Variants in PHLPP2 observed in about 807,000 individuals in gnomAD.
PHLPP2 encodes the protein PH domain leucine-rich repeat-containing protein phosphatase 2.
PHLPP2 carries 66 observed loss-of-function variants against 124.9 expected under a neutral mutation model. The ratio of observed to expected loss-of-function variants is 0.53; its 90% CI spans 0.43 to 0.65. The LOEUF is 0.65. PHLPP2 is among the 30% of genes least tolerant of loss of function. The pLI is 0.00. For missense variants in PHLPP2, 1,685 were observed against 1,600.4 expected, an observed-to-expected ratio of 1.05 and a Z score of -0.90; for synonymous variants, 681 against 624.7, an observed-to-expected ratio of 1.09 and a Z score of -1.34.
chr16:71,709,091 TAAAG>T (rs954868618), intron 2 of PHLPP2, among the ~76,000 whole-genome samples: 5 of 152,248 alleles, frequency 3.3e-5, no homozygotes, highest in African/African-American at 1.2e-4. Context: ...TGTTTCAAAA[TAAAG>T]AAAATTATTT....
chr16:71,672,262 C>T lies in PHLPP2; in HGVS notation c.1532G>A (p.Arg511Gln), dbSNP rs372879648. 7.4e-5 allele frequency: 119 copies of T among 1,610,938 alleles called. 1 individual carries two copies. Among genetic ancestry groups the T allele is most frequent in the Non-Finnish European group, 8.8e-5 (104 of 1,177,246 alleles). The change falls in exon 10 of 19, where the codon CGA (arginine) becomes CAA (glutamine). Residue 511 changes from arginine (R) to glutamine (Q), a missense_variant and splice_region_variant. Transcript: ENST00000568954. ...PSLLTFLDLSRNLLECVPDWA... is the reference protein window; with the variant it reads ...PSLLTFLDLSQNLLECVPDWA... ...CGCCACCCTCATGAAAGACACTCAC[C>T]GGGAGAGATCCAAGAAAGTGAGCAG...
At chr16:71,665,656 T>C (rs890139445) in intron 12 of PHLPP2, among the ~76,000 whole-genome samples, 2 of 152,210 alleles carry the variant, frequency 1.3e-5, no homozygotes, top group Non-Finnish European at 2.9e-5. Flanking sequence ...AACAAAGCTC[T>C]TTCCAGAGTT....
chr16:71,668,415 CAAAAAAAAAAAA>C (rs34860764), intron 11 of PHLPP2, among the ~76,000 whole-genome samples: 6 of 26,932 alleles, frequency 2.2e-4, no homozygotes, highest in East Asian at 2.3e-3. Flanking sequence ...GACTCTGTCT[CAAAAAAAAAAAA>C]AAAAAAAAAA....
At chr16:71,652,535 AC>A (rs1405620805) in intron 18 of PHLPP2, among the ~76,000 whole-genome samples, 1 of 152,234 alleles carries the variant, frequency 6.6e-6, no homozygotes, top group Admixed American at 6.5e-5. Context: ...CCATCTTACA[AC>A]CCAGCTATCA....
intron 10 of PHLPP2, among the ~76,000 whole-genome samples, chr16:71,670,371 G>A (rs1010339199): frequency 6.6e-6 from 1 of 152,044 alleles, no homozygotes; most frequent in Non-Finnish European, 1.5e-5. Context: ...GTATGCAAAA[G>A]AAACATGGCC....
chr16:71,676,809 C>T (rs1033862713), intron 8 of PHLPP2, 160 bp from the exon 9 acceptor site: 10 of 600,304 alleles, frequency 1.7e-5, no homozygotes, highest in African/African-American at 3.7e-5. Context: ...AGTGCAATGG[C>T]GTGATCTCGG....
At position 71,681,789 on chromosome 16, in the gene PHLPP2, C is replaced by T; in HGVS notation, c.852G>A (p.Met284Ile). 6.2e-7 allele frequency: 1 copy of T among 1,613,776 alleles called. No individual in the cohort carries two copies. Among genetic ancestry groups the T allele is most frequent in the Non-Finnish European group, 8.5e-7 (1 of 1,179,860 alleles). The change falls in exon 6 of 19, where the codon ATG becomes ATA. Residue 284 changes from methionine (M) to isoleucine (I), a missense_variant. Transcript: ENST00000568954. ...CGAGGCCTCCGGGTCTTTCTAACTGCATGAAGTTGTGTCGCAAGTTGAGGT... is the reference window on the plus strand; with the variant it reads ...CGAGGCCTCCGGGTCTTTCTAACTGTATGAAGTTGTGTCGCAAGTTGAGGT... ...ITYLNLRHNF[M>I]QLERPGGLDT... is the part of the protein sequence containing the mutation.
At position 71,667,282 on chromosome 16, in the gene PHLPP2, C is replaced by T. The variant is rs758352411; in HGVS notation, c.1680G>A (p.Val560=). The change falls in exon 12 of 19, where the codon GTG becomes GTA. Residue 560 remains valine, a synonymous_variant. Transcript: ENST00000568954. ...GCTCTACCAGTGTTGGAAGGTTTTGCACATGATTGTGTCCCAGCATCAGTT... is the reference window on the plus strand; with the variant it reads ...GCTCTACCAGTGTTGGAAGGTTTTGTACATGATTGTGTCCCAGCATCAGTT... ...LRKLMLGHNH[V]QNLPTLVEHI... 1 of 1,613,572 alleles carries T rather than the reference C, an allele frequency of 6.2e-7. No homozygotes were observed. The highest frequency in any genetic ancestry group is 8.5e-7 in the Non-Finnish European group (1 of 1,179,706).
At chr16:71,689,471 C>T (rs1464355124) in intron 4 of PHLPP2, among the ~76,000 whole-genome samples, 1 of 148,932 alleles carries the variant, frequency 6.7e-6, no homozygotes, top group Non-Finnish European at 1.5e-5. Flanking sequence ...TGGCTCACCA[C>T]AACCTCCGCC....
At chr16:71,652,152 A>T (rs1258304345) in intron 18 of PHLPP2, among the ~76,000 whole-genome samples, 1 of 152,254 alleles carries the variant, frequency 6.6e-6, no homozygotes, top group African/African-American at 2.4e-5. Context: ...CTTGTTTCCA[A>T]AATATACAAA....
At chr16:71,722,219 A>G (rs553184411) in intron 1 of PHLPP2, among the ~76,000 whole-genome samples, 9 of 152,166 alleles carry the variant, frequency 5.9e-5, no homozygotes, top group African/African-American at 2.2e-4. Flanking sequence ...ATCACTGGAG[A>G]TCAGGAGTTC....
intron 3 of PHLPP2, among the ~76,000 whole-genome samples, chr16:71,694,355 G>A (rs1424821681): frequency 2.6e-5 from 4 of 152,052 alleles, no homozygotes; most frequent in Non-Finnish European, 5.9e-5. Flanking sequence ...CAGCTACTCA[G>A]GAGGCTGAGG....
At chr16:71,664,724 C>A (rs962266699) in intron 12 of PHLPP2, among the ~76,000 whole-genome samples, 1 of 152,108 alleles carries the variant, frequency 6.6e-6, no homozygotes, top group African/African-American at 2.4e-5. Context: ...TGCACTCCAG[C>A]CTGGCAACAG....
intron 8 of PHLPP2, chr16:71,676,897 C>A: frequency 4.6e-6 from 2 of 435,450 alleles, no homozygotes; most frequent in East Asian, 4.8e-5. Flanking sequence ...TAGAATCACC[C>A]CCACCATGCC....
intron 8 of PHLPP2, chr16:71,678,476 A>C: frequency 3.0e-6 from 1 of 338,526 alleles, no homozygotes; most frequent in Non-Finnish European, 5.5e-6. Flanking sequence ...CATCTCTACT[A>C]AAAGTAGAAA....
intron 8 of PHLPP2, 60 bp from the exon 9 acceptor site, chr16:71,676,709 G>T: frequency 1.6e-6 from 2 of 1,260,102 alleles, no homozygotes; most frequent in Non-Finnish European, 2.3e-6. Flanking sequence ...GTGCTTACCA[G>T]AATAAAAATA....
At chr16:71,702,387 GA>G (rs984446832) in intron 3 of PHLPP2, among the ~76,000 whole-genome samples, 5 of 152,166 alleles carry the variant, frequency 3.3e-5, no homozygotes, top group African/African-American at 7.2e-5. Flanking sequence ...AGTGCAAAAT[GA>G]GCAAAAATAA....
intron 1 of PHLPP2, among the ~76,000 whole-genome samples, chr16:71,721,673 A>G (rs1205561452): frequency 1.8e-4 from 1 of 5,530 alleles, no homozygotes; most frequent in Non-Finnish European, 5.0e-4. Flanking sequence ...CTGTTCTTGA[A>G]AAAAAAAAAA....
At chr16:71,700,669 G>A (rs368535359) in intron 3 of PHLPP2, among the ~76,000 whole-genome samples, 6 of 151,764 alleles carry the variant, frequency 4.0e-5, no homozygotes, top group Non-Finnish European at 7.4e-5. Flanking sequence ...GGGACTATAG[G>A]TGCCCGCCAC....
Sources: allele counts gnomAD v4.1 joint callset (sites outside exome capture counted in the v4.1 genomes callset), GRCh38; gene constraint gnomAD v4.1.1; transcripts MANE v1.5; gene names NCBI Gene and HGNC (gene_info 2026-07-23, HGNC 2026-07-21).